Variants in ABCC9 observed in about 807,000 individuals in gnomAD.
The protein encoded by ABCC9 is ATP binding cassette subfamily C member 9.
In ABCC9, 95 loss-of-function variants were observed where a neutral mutation model predicts 188.3. The ratio of observed to expected loss-of-function variants is 0.50; its 90% confidence interval spans 0.43 to 0.60. The LOEUF is 0.60. Among genes scored for constraint, ABCC9 ranks in the 20% least tolerant of loss-of-function variants. The pLI, the probability that ABCC9 is intolerant of heterozygous loss-of-function variation, is 0.00. For synonymous variants in ABCC9, 659 were observed against 652.7 expected (o/e 1.01, Z -0.15); for missense variants, 1,102 against 1,876.3 (o/e 0.59, Z 7.62).
At chr12:21,850,515 C>T (rs1171434725) in intron 24 of ABCC9, among the ~76,000 whole-genome samples, 1 of 152,102 alleles carries the variant, frequency 6.6e-6, no homozygotes, top group African/African-American at 2.4e-5. Flanking sequence ...ACTTGCTCCA[C>T]ACCTCCTTCA....
chr12:21,881,493 A>C (rs1305896444), intron 16 of ABCC9, among the ~76,000 whole-genome samples: 1 of 152,202 alleles, frequency 6.6e-6, no homozygotes, highest in Admixed American at 6.5e-5. Flanking sequence ...AATTAATGAA[A>C]CACATGGAAA....
At chr12:21,906,084 T>G in intron 12 of ABCC9, 42 bp downstream of exon 12, 13 of 1,589,984 alleles carry the variant, frequency 8.2e-6, no homozygotes, top group Non-Finnish European at 1.1e-5. Context: ...GTTATTCTGG[T>G]TGCCCTTAAA....
Position 21,879,895 on chromosome 12 carries a change from A to G in ABCC9, c.2019+2871T>C, listed in dbSNP as rs534304468. Among the ~76,000 whole-genome samples the G allele has an allele frequency of 8.5e-5, 13 of 152,156 alleles. No individual in the cohort carries two copies. In the South Asian group the frequency reaches 2.3e-3, roughly 27 times the overall value. On this transcript the variant is annotated intron_variant, in intron 16 of 39. Transcript: ENST00000261200. ...TAAAGACTTGTTCTAAAAGGTGTCA[A>G]TGTTCGTTAGAAAGCTATAGTAATC...
chr12:21,902,520 G>T (rs188171722), intron 12 of ABCC9, among the ~76,000 whole-genome samples: 2 of 152,142 alleles, frequency 1.3e-5, no homozygotes, highest in East Asian at 3.9e-4. Flanking sequence ...CTGGTTTTTT[G>T]AAAAGATCAA....
chr12:21,891,167 A>G lies in ABCC9; in HGVS notation c.1802+2865T>C, dbSNP rs80046539. Among the ~76,000 whole-genome samples, 137 of 152,190 alleles carry G rather than the reference A, an allele frequency of 9.0e-4. 4 individuals are homozygous for G. In the East Asian group the frequency reaches 0.025, roughly 27 times the overall value. ...GACTCCCTGCAGATTTCAGTCTTTT[A>G]TCTTTGGAATTCTTAATGCCTAGCA... On this transcript the variant is annotated intron_variant, in intron 14 of 39. Transcript: ENST00000261200.
intron 39 of ABCC9, 59 bp downstream of exon 39, chr12:21,805,936 AGAT>A (rs1267418514): frequency 6.7e-6 from 10 of 1,495,946 alleles, no homozygotes; most frequent in Non-Finnish European, 6.5e-6. Context: ...TAAAACCTAA[AGAT>A]GATAACATGT....
intron 35 of ABCC9, among the ~76,000 whole-genome samples, chr12:21,814,345 A>G (rs895414316): frequency 1.3e-5 from 2 of 152,138 alleles, no homozygotes; most frequent in African/African-American, 4.8e-5. Context: ...TTTCTCTTGA[A>G]ATTCCACCTC....
At chr12:21,809,723 T>C (rs958865614) in intron 37 of ABCC9, 129 bp downstream of exon 37, 4 of 658,816 alleles carry the variant, frequency 6.1e-6, no homozygotes, top group East Asian at 2.7e-5. Flanking sequence ...TCTAATGACT[T>C]TTAGGATATT....
chr12:21,890,292 C>T (rs927783773), intron 14 of ABCC9, among the ~76,000 whole-genome samples: 1 of 152,096 alleles, frequency 6.6e-6, no homozygotes, highest in African/African-American at 2.4e-5. Context: ...GGTTGCCTTT[C>T]AGCATCTTTA....
intron 14 of ABCC9, 170 bp from the exon 15 acceptor site, chr12:21,888,104 T>G: frequency 1.6e-6 from 1 of 607,346 alleles, no homozygotes; most frequent in Non-Finnish European, 3.0e-6. Flanking sequence ...CATCCTAAAT[T>G]GCTGAGGACA....
Position 21,838,160 on chromosome 12 carries a change from C to G in ABCC9, c.3484G>C (p.Glu1162Gln). Residue 1162 changes from glutamate to glutamine, a missense_variant, in exon 30 of 40, where the codon GAA becomes CAA. Glu to Gln is a conservative substitution (Grantham distance 29, BLOSUM62 2). Transcript: ENST00000261200. ...GGGAGCTGGGTACTATCGTCAAGTT[C>G]CTGGAGGTCCCTAGTAGAGAGAGGG... ...YFRVASKDLQ[E>Q]LDDSTQLPLL... 1 of 1,613,498 alleles carries G rather than the reference C, an allele frequency of 6.2e-7. No individual in the cohort carries two copies. Among genetic ancestry groups the G allele is most frequent in the Admixed American group, 1.7e-5 (1 of 60,014 alleles).
chr12:21,936,435 C>A, intron 3 of ABCC9, 98 bp downstream of exon 3: 2 of 1,076,246 alleles, frequency 1.9e-6, no homozygotes, highest in Non-Finnish European at 2.7e-6. Flanking sequence ...CCATCAGCTT[C>A]CATGTTACAG....
intron 39 of ABCC9, among the ~76,000 whole-genome samples, chr12:21,801,681 T>G (rs1362576792): frequency 2.0e-5 from 3 of 152,196 alleles, no homozygotes; most frequent in African/African-American, 7.2e-5. Flanking sequence ...ACCCAGGCCT[T>G]TAGACATGCA....
intron 25 of ABCC9, among the ~76,000 whole-genome samples, chr12:21,846,677 G>A (rs780863840): frequency 2.0e-5 from 3 of 152,124 alleles, no homozygotes; most frequent in African/African-American, 4.8e-5. Flanking sequence ...AAATGACTAC[G>A]TCTCAGAGGT....
At chr12:21,823,661 T>G (rs1003959716) in intron 31 of ABCC9, among the ~76,000 whole-genome samples, 10 of 152,338 alleles carry the variant, frequency 6.6e-5, no homozygotes, top group African/African-American at 2.4e-4. Flanking sequence ...AAAGACAGCC[T>G]TTAGATAAAG....
chr12:21,913,072 GAAAA>G lies in ABCC9; in HGVS notation c.817-10_817-7del. The G allele has an allele frequency of 7.7e-7, 1 of 1,292,988 alleles. No individual in the cohort carries two copies. The highest frequency in any genetic ancestry group is 1.7e-5 in the African/African-American group (1 of 57,456). 80.1% of individuals were successfully genotyped at this position (1,292,988 alleles called of 1,614,324 possible). On this transcript the variant is annotated splice_region_variant and splice_polypyrimidine_tract_variant and intron_variant, in intron 7 of 39. Coordinates refer to ENST00000261200, the MANE Select transcript of ABCC9 (RefSeq NM_020297.4). ...GGATGATCTGCAACTTTTTTCTGAA[GAAAA>G]AAAAAAGAAAAAAAAAACAGATGTA...
intron 22 of ABCC9, among the ~76,000 whole-genome samples, chr12:21,854,469 A>C (rs1945123412): frequency 6.6e-6 from 1 of 152,256 alleles, no homozygotes; most frequent in South Asian, 2.1e-4. Flanking sequence ...TGATATAATC[A>C]GTGTCCTCAA....
chr12:21,856,163 T>A (rs988437844), intron 22 of ABCC9, among the ~76,000 whole-genome samples: 36 of 152,318 alleles, frequency 2.4e-4, no homozygotes, highest in Non-Finnish European at 4.1e-4. Flanking sequence ...TTTGTGATTT[T>A]TTTTGTCAAA....
rs1366801432 is a variant in ABCC9 at position 21,940,830 on chromosome 12, A to C, written c.-136-5T>G. The C allele has an allele frequency of 6.6e-6, 1 of 152,236 alleles. No individual in the cohort carries two copies. The highest frequency in any genetic ancestry group is 2.4e-5 in the African/African-American group (1 of 41,458). The allele number at this position is 152,236 out of a possible 1,614,324, so 9.4% of individuals were successfully genotyped here. On this transcript the variant is annotated splice_polypyrimidine_tract_variant and splice_region_variant and intron_variant, in intron 1 of 39. Transcript: ENST00000261200. The stretch of plus-strand genomic sequence containing the variant: ...TCAAACCCGGACGCAGAACTCCTAA[A>C]AAAAAGTAAAGAGTAACAAAAATTA...
Sources: allele counts gnomAD v4.1 joint callset (sites outside exome capture counted in the v4.1 genomes callset), GRCh38; gene constraint gnomAD v4.1.1; transcripts MANE v1.5; gene names NCBI Gene and HGNC (gene_info 2026-07-23, HGNC 2026-07-21).